Variants in KIAA0825 observed in about 807,000 individuals in gnomAD.
The protein encoded by KIAA0825 is uncharacterized protein KIAA0825.
In KIAA0825, 119 loss-of-function variants were observed where a neutral mutation model predicts 147.6. The ratio of observed to expected loss-of-function variants is 0.81; its 90% CI spans 0.69 to 0.94. KIAA0825 has a LOEUF of 0.94. Among genes scored for constraint, KIAA0825 ranks in the 40% least tolerant of loss-of-function variants. KIAA0825 has a pLI of 0.00. For missense variants in KIAA0825, 1,381 were observed against 1,472.7 expected (o/e 0.94, Z 1.02); for synonymous variants, 470 against 518.1 (o/e 0.91, Z 1.26).
intron 17 of KIAA0825, 113 bp from the exon 18 acceptor site, chr5:94,391,807 T>C: frequency 1.1e-6 from 1 of 912,192 alleles, no homozygotes; most frequent in Non-Finnish European, 1.6e-6. Context: ...AAAGCATCCA[T>C]AAAGACTACG....
chr5:94,558,025 C>A (rs933192631), intron 2 of KIAA0825, among the ~76,000 whole-genome samples: 1 of 152,180 alleles, frequency 6.6e-6, no homozygotes, highest in Admixed American at 6.5e-5. Flanking sequence ...AAAAGTTTGC[C>A]GTTGTTCCTG....
chr5:94,265,596 T>A (rs1386637228), intron 20 of KIAA0825, among the ~76,000 whole-genome samples: 3 of 152,046 alleles, frequency 2.0e-5, no homozygotes, highest in Non-Finnish European at 4.4e-5. Flanking sequence ...GTCAGGAGTT[T>A]GAGACCAGCC....
Position 94,152,854 on chromosome 5 carries a change from A to AT in KIAA0825, c.*1152_*1153insA, listed in dbSNP as rs1766642374. 4 of 10,112 alleles carry AT rather than the reference A, an allele frequency of 4.0e-4. No individual in the cohort carries two copies. Among genetic ancestry groups the AT allele is most frequent in the Non-Finnish European group, 5.8e-4 (3 of 5,182 alleles). 0.6% of individuals were successfully genotyped at this position (10,112 alleles called of 1,614,324 possible). A position where few individuals can be genotyped will look rare whatever the true frequency, so the allele number is the denominator to read the frequency against. On this transcript the variant is annotated 3_prime_UTR_variant, in exon 21 of 21. Coordinates refer to ENST00000682413, the MANE Select transcript of KIAA0825 (RefSeq NM_001145678.3). The stretch of plus-strand genomic sequence containing the variant: ...AAAAAAAAAAAAAAAAAAAAAAAAA[A>AT]ATTATATATATATATATATATATAT...
intron 18 of KIAA0825, 63 bp from the exon 19 acceptor site, chr5:94,386,467 C>T (rs1749155034): frequency 2.2e-6 from 3 of 1,340,482 alleles, no homozygotes; most frequent in South Asian, 1.4e-5. Context: ...TAAAAATAAA[C>T]TGATCAATAT....
chr5:94,606,417 T>C (rs1253624546), intron 1 of KIAA0825, among the ~76,000 whole-genome samples: 1 of 152,130 alleles, frequency 6.6e-6, no homozygotes, highest in African/African-American at 2.4e-5. Context: ...TTAAAACTTA[T>C]ATGGAACTAA....
At chr5:94,206,146 GCCT>G (rs558707297) in intron 20 of KIAA0825, among the ~76,000 whole-genome samples, 102 of 151,964 alleles carry the variant, frequency 6.7e-4, no homozygotes, top group African/African-American at 2.3e-3. Context: ...CTCAATTCTA[GCCT>G]CTATGACTTT....
intron 17 of KIAA0825, among the ~76,000 whole-genome samples, chr5:94,394,071 C>T (rs1288137445): frequency 6.6e-6 from 1 of 151,800 alleles, no homozygotes; most frequent in Admixed American, 6.6e-5. Flanking sequence ...AGGCTGGTCT[C>T]GAACTCCTGA....
chr5:94,527,169 T>C (rs1243500977), intron 3 of KIAA0825, among the ~76,000 whole-genome samples: 1 of 152,060 alleles, frequency 6.6e-6, no homozygotes, highest in Non-Finnish European at 1.5e-5. Context: ...TATGGATGTA[T>C]GTGTGTATGT....
Position 94,484,808 on chromosome 5 carries a change from C to A in KIAA0825, c.1093G>T (p.Glu365Ter). The A allele has an allele frequency of 6.6e-7, 1 of 1,512,442 alleles. No individual in the cohort carries two copies. Among genetic ancestry groups the A allele is most frequent in the South Asian group, 1.3e-5 (1 of 78,746 alleles). 93.7% of individuals were successfully genotyped at this position (1,512,442 alleles called of 1,614,324 possible). Residue 365 changes from glutamate to a stop codon, truncating the protein, a stop_gained, in exon 6 of 21, where the codon GAA becomes TAA. Coordinates refer to ENST00000682413, the MANE Select transcript of KIAA0825 (RefSeq NM_001145678.3). LOFTEE classifies it high-confidence loss of function. ...GTTATCTTGAGTGATAAAAGTATTTCGTCAAACAATTCTTGAACACCTTTT... is the reference window on the plus strand; with the variant it reads ...GTTATCTTGAGTGATAAAAGTATTTAGTCAAACAATTCTTGAACACCTTTT... ...LEKGVQELFDEILLSLKITRD... is the reference protein window; with the variant it reads ...LEKGVQELFD
chr5:94,618,019 A>T (rs939903651), intron 1 of KIAA0825: 1 of 152,214 alleles, frequency 6.6e-6, no homozygotes, highest in South Asian at 2.1e-4. Flanking sequence ...GGAACCTTCA[A>T]TTAATTCTAA....
At chr5:94,589,976 G>A (rs550979106) in intron 1 of KIAA0825, among the ~76,000 whole-genome samples, 317 of 152,072 alleles carry the variant, frequency 2.1e-3, no homozygotes, top group South Asian at 4.4e-3. Flanking sequence ...ATATGAGGTA[G>A]ACTCCAATGG....
chr5:94,208,526 T>G (rs531999542), intron 20 of KIAA0825, among the ~76,000 whole-genome samples: 102 of 152,176 alleles, frequency 6.7e-4, no homozygotes, highest in African/African-American at 2.0e-3. Flanking sequence ...CATATACAGG[T>G]AACTGCAATG....
At chr5:94,566,428 G>A (rs991754539) in intron 2 of KIAA0825, among the ~76,000 whole-genome samples, 1 of 151,932 alleles carries the variant, frequency 6.6e-6, no homozygotes, top group African/African-American at 2.4e-5. Context: ...TTATATAATT[G>A]CTGACCTACA....
intron 20 of KIAA0825, among the ~76,000 whole-genome samples, chr5:94,313,060 T>C (rs1231967375): frequency 6.6e-6 from 1 of 151,684 alleles, no homozygotes; most frequent in Non-Finnish European, 1.5e-5. Flanking sequence ...TCAGATTCTA[T>C]GTTTATTTTC....
intron 20 of KIAA0825, among the ~76,000 whole-genome samples, chr5:94,302,460 A>G (rs1481360912): frequency 5.3e-5 from 8 of 152,158 alleles, no homozygotes; most frequent in Admixed American, 4.6e-4. Context: ...TATTGATGAC[A>G]GTACATCAAT....
At chr5:94,530,337 A>G (rs942713165) in intron 3 of KIAA0825, among the ~76,000 whole-genome samples, 2 of 151,518 alleles carry the variant, frequency 1.3e-5, no homozygotes, top group Non-Finnish European at 2.9e-5. Flanking sequence ...TATGAATGAG[A>G]CAGAGTTTCA....
chr5:94,365,851 G>C (rs1315695808), intron 20 of KIAA0825, among the ~76,000 whole-genome samples: 4 of 152,190 alleles, frequency 2.6e-5, no homozygotes, highest in Non-Finnish European at 5.9e-5. Context: ...GCAGCTGGAG[G>C]CTGCAAGTTT....
chr5:94,475,424 T>C (rs1761758974), intron 7 of KIAA0825, among the ~76,000 whole-genome samples: 1 of 152,238 alleles, frequency 6.6e-6, no homozygotes, highest in Non-Finnish European at 1.5e-5. Flanking sequence ...CCTTTGCCCA[T>C]GATAATATAC....
At chr5:94,610,616 T>G (rs1359522753) in intron 1 of KIAA0825, among the ~76,000 whole-genome samples, 1 of 146,364 alleles carries the variant, frequency 6.8e-6, no homozygotes, top group African/African-American at 2.5e-5. Context: ...ACAAAAAAAA[T>G]TAGCTGGGCA....
Sources: allele counts gnomAD v4.1 joint callset (sites outside exome capture counted in the v4.1 genomes callset), GRCh38; gene constraint gnomAD v4.1.1; transcripts MANE v1.5; gene names NCBI Gene and HGNC (gene_info 2026-07-23, HGNC 2026-07-21).